The following R3HDML variants were observed in gnomAD, a reference collection of about 807,000 sequenced individuals.
The protein encoded by R3HDML is R3H domain containing like, also known as peptidase inhibitor R3HDML.
A neutral mutation model predicts 24.2 loss-of-function variants in R3HDML; 21 were observed. That is an observed-to-expected ratio of 0.87 (90% CI 0.62 to 1.25). R3HDML has a LOEUF of 1.25. Ranked by LOEUF, R3HDML falls within the 50% of genes most tolerant of loss-of-function variation. The pLI is 0.00. For synonymous variants in R3HDML, 133 were observed against 131.5 expected, an observed-to-expected ratio of 1.01 and a Z score of -0.08; for missense variants, 301 against 340.3, an observed-to-expected ratio of 0.88 and a Z score of 0.91.
chr20:44,341,484 T>G (rs1485753606), intron 2 of R3HDML, among the ~76,000 whole-genome samples, 170 bp downstream of exon 2: 1 of 152,224 alleles, frequency 6.6e-6, no homozygotes, highest in Non-Finnish European at 1.5e-5. Flanking sequence ...GGCAAAACCC[T>G]AACAAAGTTG....
chr20:44,347,085 C>T (rs1468573937), intron 4 of R3HDML, among the ~76,000 whole-genome samples: 2 of 152,146 alleles, frequency 1.3e-5, no homozygotes, highest in Non-Finnish European at 1.5e-5. Flanking sequence ...GAGGTTGCAG[C>T]GAGCTGAGAT....
At chr20:44,343,894 T>C (rs551450279) in intron 3 of R3HDML, among the ~76,000 whole-genome samples, 3 of 152,142 alleles carry the variant, frequency 2.0e-5, no homozygotes, top group African/African-American at 4.8e-5. Flanking sequence ...TCTCAGTAAC[T>C]TGAGAGGCTG....
At chr20:44,341,411 G>A (rs1037170840) in intron 2 of R3HDML, 97 bp downstream of exon 2, 7 of 1,008,892 alleles carry the variant, frequency 6.9e-6, no homozygotes, top group Non-Finnish European at 1.0e-5. Context: ...CTGGGATACA[G>A]TGGCGAGCAA....
chr20:44,342,499 C>A (rs550718894), intron 2 of R3HDML, among the ~76,000 whole-genome samples: 1 of 152,314 alleles, frequency 6.6e-6, no homozygotes, highest in East Asian at 1.9e-4. Flanking sequence ...CTACCCATGG[C>A]CACCATTTGA....
chr20:44,341,009 T>C (rs905913192), intron 1 of R3HDML, among the ~76,000 whole-genome samples, 187 bp from the exon 2 acceptor site: 1 of 152,176 alleles, frequency 6.6e-6, no homozygotes, highest in Admixed American at 6.5e-5. Context: ...AGCTCTGGTA[T>C]GGACTCATGG....
chr20:44,339,102 C>T (rs983744206), intron 1 of R3HDML, among the ~76,000 whole-genome samples: 1 of 151,648 alleles, frequency 6.6e-6, no homozygotes, highest in African/African-American at 2.4e-5. Context: ...CCAGACAACC[C>T]TGGTAGATAC....
chr20:44,343,416 G>C lies in R3HDML; in HGVS notation c.420G>C (p.Glu140Asp). The C allele has an allele frequency of 1.2e-6, 2 of 1,613,208 alleles. No individual in the cohort carries two copies. The highest frequency in any genetic ancestry group is 1.7e-4 in the Middle Eastern group (1 of 6,060). ...TGGATCTCATGAAGTCCTGGTCTGA[G>C]GAGAAGTGGCATTACTTGTTTCCGG... is the stretch of plus-strand genomic sequence containing the variant. Reference protein sequence around the residue: ...SVVDLMKSWSEEKWHYLFPAP... With the variant: ...SVVDLMKSWSDEKWHYLFPAP... Residue 140 changes from glutamate to aspartate, a missense_variant, in exon 3 of 5, where the codon GAG becomes GAC. Transcript: ENST00000217043.
chr20:44,338,527 A>G (rs1228724506), intron 1 of R3HDML, among the ~76,000 whole-genome samples: 5 of 152,196 alleles, frequency 3.3e-5, no homozygotes, highest in African/African-American at 9.7e-5. Flanking sequence ...TTGTTCATTC[A>G]TTCGTTAGCA....
intron 4 of R3HDML, among the ~76,000 whole-genome samples, chr20:44,345,887 T>C (rs2062785541): frequency 6.6e-6 from 1 of 151,668 alleles, no homozygotes; most frequent in African/African-American, 2.4e-5. Context: ...TGGCATGATC[T>C]CAGCTCGCTG....
rs918121273 is a variant in R3HDML at position 44,350,714 on chromosome 20, T to C, written c.684T>C (p.Cys228=). ...PYKMGKPCSS[C]PPSYQGSCNS... ...AGATGGGAAAGCCGTGCTCCTCCTG[T>C]CCCCCCAGTTATCAAGGCAGCTGCA... Residue 228 remains cysteine, a synonymous_variant, in exon 5 of 5, where the codon TGT becomes TGC. Transcript: ENST00000217043. 6.2e-5 allele frequency: 100 copies of C among 1,613,642 alleles called. No individual in the cohort carries two copies. Among genetic ancestry groups the C allele is most frequent in the Non-Finnish European group, 8.3e-5 (98 of 1,179,930 alleles).
rs2062759053 is a variant in R3HDML, at chr20:44,337,054, C to G, written c.-104C>G. 7.1e-7 allele frequency: 1 copy of G among 1,405,420 alleles called. No individual in the cohort carries two copies. The allele number at this position is 1,405,420 out of a possible 1,614,324, so 87.1% of individuals were successfully genotyped here. A position where few individuals can be genotyped will look rare whatever the true frequency, so the allele number is the denominator to read the frequency against. On this transcript the variant is annotated 5_prime_UTR_variant, in exon 1 of 5. Transcript: ENST00000217043. This position sits in a 1 kb window ranked among gnomAD's most constrained non-coding sequence, Gnocchi z 4.7. ...TCCCAGGAGGCAGCATCCTCTGGGT[C>G]GGCACTGTTGGAGAACGCTCAGGGT...
rs994275376 is a variant in R3HDML at position 44,337,091 on chromosome 20, G to C, written c.-67G>C. 1.3e-6 allele frequency: 2 copies of C among 1,543,354 alleles called. No individual in the cohort carries two copies. Among genetic ancestry groups the C allele is most frequent in the Non-Finnish European group, 8.8e-7 (1 of 1,142,312 alleles). ...AGAACGCTCAGGGTCTGGTGCTCTC[G>C]TGCCTGCCCCTTCCAGGCAGCCGGC... On this transcript the variant is annotated 5_prime_UTR_variant, in exon 1 of 5. Coordinates refer to ENST00000217043, the MANE Select transcript of R3HDML (RefSeq NM_178491.4). The surrounding 1 kb of genome is among the most constrained non-coding windows in gnomAD (Gnocchi z 4.7).
At position 44,345,237 on chromosome 20, in the gene R3HDML, C is replaced by A. The variant is rs768274356; in HGVS notation, c.514-26C>A. 11 of 1,591,008 alleles carry A rather than the reference C, an allele frequency of 6.9e-6. No individual in the cohort carries two copies. In the East Asian group the frequency reaches 2.2e-4, roughly 32 times the overall value. On this transcript the variant is annotated intron_variant, in intron 3 of 4. Coordinates refer to ENST00000217043, the MANE Select transcript of R3HDML (RefSeq NM_178491.4). ...GGGTCCCACTGAGCCCTTCTCATAG[C>A]CCCCTCTGTCTCTGTCCTTCACCAG...
intron 4 of R3HDML, among the ~76,000 whole-genome samples, chr20:44,348,504 CCTTTCCTTTCCTTTCTTTT>C (rs1196866545): frequency 6.8e-6 from 1 of 147,746 alleles, no homozygotes; most frequent in African/African-American, 2.5e-5. Context: ...CCTTTCCTTT[CCTTTCCTTTCCTTTCTTTT>C]CTTCTGTCCA....
chr20:44,345,519 T>TAA, intron 4 of R3HDML, 141 bp downstream of exon 4: 1 of 628,542 alleles, frequency 1.6e-6, no homozygotes, highest in South Asian at 2.0e-5. Context: ...AAGAGTTTAC[T>TAA]AAGGCCGAGC....
At chr20:44,344,952 A>T (rs2062782368) in intron 3 of R3HDML, 1 of 344,352 alleles carries the variant, frequency 2.9e-6, no homozygotes, top group African/African-American at 2.2e-5. Context: ...AAAGAAAGAA[A>T]ATATATCACA....
intron 2 of R3HDML, 141 bp from the exon 3 acceptor site, chr20:44,343,235 GC>G: frequency 3.0e-6 from 3 of 996,914 alleles, no homozygotes. Context: ...GTGAGGCAGG[GC>G]CACTGCCCTC....
In R3HDML at chr20:44,337,136, C is replaced by G. The variant is rs765216990; in HGVS notation, c.-22C>G. 27 of 1,605,678 alleles carry G rather than the reference C, an allele frequency of 1.7e-5. No homozygotes were observed. Among genetic ancestry groups the G allele is most frequent in the Non-Finnish European group, 1.7e-5 (20 of 1,175,266 alleles). ...GCCGGCTCTGATTGCACAAGGCAGA[C>G]CTGTGACTCCTCCATCCAGCTATGC... On this transcript the variant is annotated 5_prime_UTR_variant, in exon 1 of 5. Transcript: ENST00000217043. The surrounding 1 kb of genome is among the most constrained non-coding windows in gnomAD (Gnocchi z 4.7).
At chr20:44,339,526 T>G (rs992524943) in intron 1 of R3HDML, among the ~76,000 whole-genome samples, 1 of 151,884 alleles carries the variant, frequency 6.6e-6, no homozygotes, top group Non-Finnish European at 1.5e-5. Context: ...GAATAATCAC[T>G]AAGACAAAAG....
Sources: allele counts gnomAD v4.1 joint callset (sites outside exome capture counted in the v4.1 genomes callset), GRCh38; gene constraint gnomAD v4.1.1; non-coding constraint Gnocchi (gnomAD v3.1); transcripts MANE v1.5; gene names NCBI Gene and HGNC (gene_info 2026-07-23, HGNC 2026-07-21).